The following SOX6 variants were observed in gnomAD, a reference collection of about 807,000 sequenced individuals.
SOX6 encodes the protein SRY-box transcription factor 6, also known as transcription factor SOX-6.
In SOX6, 11 loss-of-function variants were observed where a neutral mutation model predicts 97.8. That is an observed-to-expected ratio of 0.11 (90% CI 0.07 to 0.19). The LOEUF is 0.19. Among genes scored for constraint, SOX6 ranks in the 10% least tolerant of loss-of-function variants. SOX6 has a pLI of 1.00. For synonymous variants in SOX6, 360 were observed against 371.4 expected (o/e 0.97, Z 0.35); for missense variants, 810 against 1,039.5 (o/e 0.78, Z 3.04).
rs781149951 is a variant in SOX6 at position 16,015,064 on chromosome 11, T to C, written c.1624-14A>G. ...GCGCGTTCTTTCCTAGAGGAACAAA[T>C]AATCAGAGGCTTATTCTAGTTTCCA... is the stretch of plus-strand genomic sequence containing the variant. On this transcript the variant is annotated splice_polypyrimidine_tract_variant and intron_variant, in intron 12 of 15. Transcript: ENST00000683767. 4 of 1,607,834 alleles carry C rather than the reference T, an allele frequency of 2.5e-6. No homozygotes were observed. The East Asian group carries it at 8.9e-5, about 36-fold the overall frequency.
chr11:16,593,836 C>G (rs1481912446), intron 4 of SOX6, among the ~76,000 whole-genome samples: 1 of 152,046 alleles, frequency 6.6e-6, no homozygotes, highest in Non-Finnish European at 1.5e-5. Flanking sequence ...AAAATTTGAT[C>G]CCGGGTGTGC....
At chr11:16,599,255 T>G (rs1287244185) in intron 4 of SOX6, among the ~76,000 whole-genome samples, 1 of 152,050 alleles carries the variant, frequency 6.6e-6, no homozygotes, top group Non-Finnish European at 1.5e-5. Flanking sequence ...AATGAATTCC[T>G]CGCCACACAC....
intron 1 of SOX6, among the ~76,000 whole-genome samples, chr11:16,387,891 A>C (rs992185836): frequency 6.6e-6 from 1 of 152,106 alleles, no homozygotes; most frequent in African/African-American, 2.4e-5. Context: ...TTTGGCAAAG[A>C]TACAATCCTA....
Position 16,583,640 on chromosome 11 carries a change from C to T in SOX6, n.609+28441G>A, listed in dbSNP as rs572072206. Among the ~76,000 whole-genome samples, 708 of 90,826 alleles carry T rather than the reference C, an allele frequency of 7.8e-3. 6 individuals carry two copies. The highest frequency in any genetic ancestry group is 0.022 in the African/African-American group (601 of 27,574). 59.6% of individuals were successfully genotyped at this position (90,826 alleles called of 152,430 possible). A position where few individuals can be genotyped will look rare whatever the true frequency, so the allele number is the denominator to read the frequency against. The stretch of plus-strand genomic sequence containing the variant: ...ATATATATATATATATATATATACA[C>T]ATACACACACCACATTTTCTTTATC... On this transcript the variant is annotated intron_variant and non_coding_transcript_variant, in intron 4 of 5. Transcript: ENST00000524520.
chr11:16,614,927 T>C (rs1334406459), intron 3 of SOX6, among the ~76,000 whole-genome samples: 1 of 152,190 alleles, frequency 6.6e-6, no homozygotes, highest in Non-Finnish European at 1.5e-5. Context: ...CATTCAGTAT[T>C]TTGGTCAACA....
rs1011318627 is a variant in SOX6, at chr11:16,650,770, G to A, written n.430-38510C>T. Reference sequence around the variant, plus strand: ...AACCCAGAAGAAAAGAAATAACCAAGATCAGAGCAGAACTAAATGAAATTG... The same window carrying A: ...AACCCAGAAGAAAAGAAATAACCAAAATCAGAGCAGAACTAAATGAAATTG... On this transcript the variant is annotated intron_variant and non_coding_transcript_variant, in intron 3 of 5. Coordinates refer to the SOX6 transcript ENST00000524520. 8.0e-5 allele frequency among the ~76,000 whole-genome samples: 12 copies of A among 149,974 alleles called. No individual in the cohort carries two copies. The South Asian group carries it at 2.5e-3, about 32-fold the overall frequency.
chr11:16,671,673 G>A (rs940306070), intron 3 of SOX6, among the ~76,000 whole-genome samples: 22 of 152,264 alleles, frequency 1.4e-4, no homozygotes, highest in Non-Finnish European at 2.1e-4. Flanking sequence ...TCTACTAATC[G>A]TTGGCATCCC....
intron 9 of SOX6, among the ~76,000 whole-genome samples, chr11:16,057,355 ATT>A (rs991538492): frequency 6.6e-6 from 1 of 152,076 alleles, no homozygotes; most frequent in Admixed American, 6.6e-5. Flanking sequence ...TCAACTTTTT[ATT>A]TTGTTAGATT....
At chr11:16,534,457 G>T (rs960502310) in intron 4 of SOX6, among the ~76,000 whole-genome samples, 1 of 151,992 alleles carries the variant, frequency 6.6e-6, no homozygotes, top group Non-Finnish European at 1.5e-5. Flanking sequence ...GAAATAAAGG[G>T]CTTCCAAGTT....
At chr11:16,113,716 G>A (rs1849282097) in intron 6 of SOX6, among the ~76,000 whole-genome samples, 1 of 152,062 alleles carries the variant, frequency 6.6e-6, no homozygotes, top group Non-Finnish European at 1.5e-5. Context: ...CTCTAAAAAG[G>A]GAGAAAAAGA....
At chr11:15,973,239 A>C in intron 15 of SOX6, 127 bp from the exon 16 acceptor site, 1 of 928,112 alleles carries the variant, frequency 1.1e-6, no homozygotes, top group Non-Finnish European at 1.6e-6. Context: ...TAACATTCTA[A>C]GCAAATAAAA....
intron 3 of SOX6, among the ~76,000 whole-genome samples, chr11:16,640,540 T>A (rs1440375179): frequency 6.6e-6 from 1 of 152,218 alleles, no homozygotes; most frequent in African/African-American, 2.4e-5. Context: ...CATCTGGTCC[T>A]GGACTTTTTT....
At chr11:16,311,089 AGTATCAGCT>A (rs1373307543) in intron 3 of SOX6, among the ~76,000 whole-genome samples, 1 of 152,126 alleles carries the variant, frequency 6.6e-6, no homozygotes, top group Non-Finnish European at 1.5e-5. Flanking sequence ...GGGAAACTTT[AGTATCAGCT>A]TTTCCAAATA....
chr11:16,164,323 C>G (rs1850829668), intron 6 of SOX6, among the ~76,000 whole-genome samples: 2 of 152,120 alleles, frequency 1.3e-5, no homozygotes, highest in Non-Finnish European at 2.9e-5. Context: ...CTGTATGATA[C>G]CATGTTCAAT....
chr11:16,432,185 A>G (rs1397508726), intron 1 of SOX6, among the ~76,000 whole-genome samples: 2 of 152,114 alleles, frequency 1.3e-5, no homozygotes, highest in African/African-American at 4.8e-5. Flanking sequence ...AGAGATGGAT[A>G]GCAATACTGT....
At chr11:16,382,688 C>G (rs1857860918) in intron 1 of SOX6, among the ~76,000 whole-genome samples, 1 of 151,916 alleles carries the variant, frequency 6.6e-6, no homozygotes, top group Non-Finnish European at 1.5e-5. Context: ...TAATTCCTCA[C>G]TTGAAGCTTG....
intron 12 of SOX6, among the ~76,000 whole-genome samples, chr11:16,041,535 C>T (rs1038799391): frequency 6.6e-6 from 1 of 152,050 alleles, no homozygotes; most frequent in African/African-American, 2.4e-5. Context: ...TTACAATGTG[C>T]CCCAATGATT....
intron 1 of SOX6, among the ~76,000 whole-genome samples, chr11:16,737,211 T>G (rs1300781442): frequency 6.6e-6 from 1 of 152,144 alleles, no homozygotes; most frequent in Non-Finnish European, 1.5e-5. Context: ...ATTATTTATT[T>G]ATTTATTTAT....
chr11:16,035,357 G>T (rs1408058931), intron 12 of SOX6, among the ~76,000 whole-genome samples: 1 of 152,164 alleles, frequency 6.6e-6, no homozygotes, highest in Non-Finnish European at 1.5e-5. Context: ...ATACTCATCT[G>T]TAGAAGAGAA....
Sources: gnomAD v4.1 joint callset for allele counts (sites outside exome capture counted in the v4.1 genomes callset) on GRCh38, gnomAD v4.1.1 for gene constraint, MANE v1.5 for transcripts, NCBI Gene and HGNC (gene_info 2026-07-23, HGNC 2026-07-21) for gene names.